Variants in PLEKHM3 observed in about 807,000 individuals in gnomAD.
The protein encoded by PLEKHM3 is pleckstrin homology domain containing M3.
A neutral mutation model predicts 81.8 loss-of-function variants in PLEKHM3; 45 were observed. The ratio of observed to expected loss-of-function variants is 0.55; its 90% CI spans 0.43 to 0.71. The LOEUF (loss-of-function observed/expected upper bound fraction) is 0.71. Among genes scored for constraint, PLEKHM3 ranks in the 30% least tolerant of loss-of-function variants. PLEKHM3 has a pLI of 0.00. For missense variants in PLEKHM3, 788 were observed against 924.3 expected (o/e 0.85, Z 1.91); for synonymous variants, 352 against 356.4 (o/e 0.99, Z 0.14).
At chr2:208,008,461 T>C (rs1436517739) in intron 1 of PLEKHM3, among the ~76,000 whole-genome samples, 2 of 106,342 alleles carry the variant, frequency 1.9e-5, no homozygotes, top group Non-Finnish European at 3.6e-5. Flanking sequence ...TTTAAATGTA[T>C]GCTCCAAAAA....
chr2:207,956,588 C>T (rs1249031406), intron 3 of PLEKHM3, among the ~76,000 whole-genome samples: 5 of 151,742 alleles, frequency 3.3e-5, no homozygotes, highest in African/African-American at 1.2e-4. Flanking sequence ...CTCTGTCACC[C>T]AGCCTGGAGT....
intron 1 of PLEKHM3, chr2:208,019,714 T>C (rs898575516): frequency 3.9e-5 from 6 of 152,252 alleles, no homozygotes; most frequent in African/African-American, 9.6e-5. Flanking sequence ...TGTTCCAGTT[T>C]TAATGTATGT....
intron 3 of PLEKHM3, among the ~76,000 whole-genome samples, chr2:207,969,873 C>T (rs1341798777): frequency 6.6e-6 from 1 of 152,144 alleles, no homozygotes; most frequent in Admixed American, 6.6e-5. Flanking sequence ...GTTATTAGTA[C>T]ATAGATTTTT....
intron 1 of PLEKHM3, 98 bp from the exon 2 acceptor site, chr2:208,002,055 A>G: frequency 5.5e-6 from 1 of 181,042 alleles, no homozygotes. Flanking sequence ...TGCCCGTTCT[A>G]TGGTACTCAA....
chr2:208,018,389 A>G (rs1052546634), intron 1 of PLEKHM3, among the ~76,000 whole-genome samples: 2 of 150,862 alleles, frequency 1.3e-5, no homozygotes, highest in Non-Finnish European at 3.0e-5. Context: ...AAAAAAGAAA[A>G]GAAAAGAAAA....
chr2:207,947,200 T>C (rs1284730128), intron 3 of PLEKHM3, among the ~76,000 whole-genome samples: 1 of 152,184 alleles, frequency 6.6e-6, no homozygotes, highest in Non-Finnish European at 1.5e-5. Flanking sequence ...ACTCTCCTCA[T>C]TGTTCCCCAA....
chr2:207,876,208 G>C (rs2092559147), intron 6 of PLEKHM3, among the ~76,000 whole-genome samples: 1 of 151,222 alleles, frequency 6.6e-6, no homozygotes, highest in South Asian at 2.1e-4. Flanking sequence ...AGGACTACAG[G>C]TGTGAGCCAT....
chr2:207,968,315 T>C (rs1220813556), intron 3 of PLEKHM3, among the ~76,000 whole-genome samples: 7 of 151,944 alleles, frequency 4.6e-5, no homozygotes, highest in Non-Finnish European at 1.0e-4. Context: ...TGATAGATGG[T>C]AGCAAAAGCC....
chr2:207,838,795 G>A (rs2885215), intron 7 of PLEKHM3, among the ~76,000 whole-genome samples: 96,988 of 151,942 alleles, frequency 0.64, 31,283 homozygotes, highest in African/African-American at 0.71. Flanking sequence ...AGGAACTGAC[G>A]GAGGATTTAA....
At chr2:207,847,162 G>C (rs1005353710) in intron 7 of PLEKHM3, among the ~76,000 whole-genome samples, 3 of 152,184 alleles carry the variant, frequency 2.0e-5, no homozygotes, top group Admixed American at 1.3e-4. Context: ...CACAATGGTG[G>C]CTTCAGCAGC....
chr2:207,866,061 A>G (rs1020228433), intron 6 of PLEKHM3, among the ~76,000 whole-genome samples: 8 of 151,642 alleles, frequency 5.3e-5, no homozygotes, highest in Admixed American at 3.9e-4. Context: ...TTTTATTTCT[A>G]GATGTCAGTC....
rs150004694 is a variant in PLEKHM3, at chr2:207,843,593, T to C, written c.2109-15097A>G. 3.3e-5 allele frequency among the ~76,000 whole-genome samples: 5 copies of C among 152,152 alleles called. No individual in the cohort carries two copies. Among genetic ancestry groups the C allele is most frequent in the South Asian group, 2.1e-4 (1 of 4,812 alleles). On this transcript the variant is annotated intron_variant, in intron 7 of 7. Coordinates refer to ENST00000427836, the MANE Select transcript of PLEKHM3 (RefSeq NM_001080475.3). The surrounding 1 kb of genome is among the most constrained non-coding windows in gnomAD (Gnocchi z 4.4). ...GGAAAACCACGCTCCACCGAAGAGG[T>C]TGTTACCTCAGGCCTCTGAGCTCAT... is the stretch of plus-strand genomic sequence containing the variant.
intron 1 of PLEKHM3, among the ~76,000 whole-genome samples, chr2:208,018,145 C>T (rs568545655): frequency 2.6e-5 from 4 of 151,976 alleles, no homozygotes; most frequent in South Asian, 2.1e-4. Flanking sequence ...GAGGCCAAGG[C>T]GGGTGGATCA....
intron 1 of PLEKHM3, among the ~76,000 whole-genome samples, chr2:208,018,190 T>C (rs1017887576): frequency 2.0e-5 from 3 of 151,982 alleles, no homozygotes; most frequent in Non-Finnish European, 4.4e-5. Context: ...CTGGCCAACA[T>C]GGTGAAACCC....
At chr2:207,969,955 A>G (rs77620003) in intron 3 of PLEKHM3, among the ~76,000 whole-genome samples, 1 of 152,192 alleles carries the variant, frequency 6.6e-6, no homozygotes, top group Non-Finnish European at 1.5e-5. Flanking sequence ...CATTCCCACA[A>G]ATAAAGAACT....
chr2:207,843,917 T>C lies in PLEKHM3; in HGVS notation c.2109-15421A>G, dbSNP rs2092368325. On this transcript the variant is annotated intron_variant, in intron 7 of 7. Coordinates refer to ENST00000427836, the MANE Select transcript of PLEKHM3 (RefSeq NM_001080475.3). This position sits in a 1 kb window ranked among gnomAD's most constrained non-coding sequence, Gnocchi z 4.4. ...CCAGTCTGAGCAACATATTGAGATC[T>C]TGTCTCCACAGATAAATTAACCAAG... is the stretch of plus-strand genomic sequence containing the variant. Among the ~76,000 whole-genome samples, 1 of 151,970 alleles carries C rather than the reference T, an allele frequency of 6.6e-6. No individual in the cohort carries two copies. The highest frequency in any genetic ancestry group is 2.1e-4 in the South Asian group (1 of 4,820).
chr2:207,923,732 CAAA>C (rs932163165), intron 5 of PLEKHM3, among the ~76,000 whole-genome samples: 7 of 150,626 alleles, frequency 4.6e-5, no homozygotes, highest in African/African-American at 1.7e-4. Flanking sequence ...AACCTTAAAG[CAAA>C]ACTTTTGGAC....
intron 6 of PLEKHM3, among the ~76,000 whole-genome samples, chr2:207,879,639 A>G (rs2092576669): frequency 1.3e-5 from 2 of 152,204 alleles, no homozygotes; most frequent in African/African-American, 4.8e-5. Flanking sequence ...TGCTGCCACT[A>G]GAGCACCACA....
rs1412196915 is a variant in PLEKHM3 at position 207,824,210 on chromosome 2, G to C, written c.*4109C>G. On this transcript the variant is annotated 3_prime_UTR_variant, in exon 8 of 8. Transcript: ENST00000427836. ...CGCAAAGGAGGGAGGCTCTTTCAAG[G>C]TCTTGCTCCAACTTCACGTTTTCAC... The C allele has an allele frequency of 6.6e-6, 1 of 152,206 alleles. No homozygotes were observed. The highest frequency in any genetic ancestry group is 1.9e-4 in the East Asian group (1 of 5,206). 9.4% of individuals were successfully genotyped at this position (152,206 alleles called of 1,614,324 possible). A position where few individuals can be genotyped will look rare whatever the true frequency, so the allele number is the denominator to read the frequency against.
Sources: allele counts gnomAD v4.1 joint callset (sites outside exome capture counted in the v4.1 genomes callset), GRCh38; gene constraint gnomAD v4.1.1; non-coding constraint Gnocchi (gnomAD v3.1); transcripts MANE v1.5; gene names NCBI Gene and HGNC (gene_info 2026-07-23, HGNC 2026-07-21).